The following CBLB variants were observed in gnomAD, a reference collection of about 807,000 sequenced individuals.
CBLB encodes Cbl proto-oncogene B, also known as E3 ubiquitin-protein ligase CBL-B.
CBLB carries 31 observed loss-of-function variants against 104.9 expected under a neutral mutation model. The ratio of observed to expected loss-of-function variants is 0.30; its 90% confidence interval spans 0.22 to 0.40. The LOEUF (loss-of-function observed/expected upper bound fraction) is 0.40, where lower values mean the gene tolerates loss of function less well. Ranked by LOEUF, CBLB falls within the 10% of genes least tolerant of loss-of-function variation. CBLB has a pLI of 1.00. For missense variants in CBLB, 1,062 were observed against 1,214.6 expected (o/e 0.87, Z 1.87); for synonymous variants, 440 against 422.6 (o/e 1.04, Z -0.51).
intron 3 of CBLB, among the ~76,000 whole-genome samples, chr3:105,776,905 T>C (rs2152965067): frequency 6.6e-6 from 1 of 152,154 alleles, no homozygotes; most frequent in East Asian, 1.9e-4. Context: ...TATTTCTACC[T>C]GGGGGAGTAA....
rs558691899 is a variant in CBLB, at chr3:105,670,428, T to C, written c.2570-76A>G. 2.7e-5 allele frequency: 33 copies of C among 1,203,902 alleles called. No homozygotes were observed. In the African/African-American group the frequency reaches 4.6e-4, roughly 17 times the overall value. 74.6% of individuals were successfully genotyped at this position (1,203,902 alleles called of 1,614,324 possible). A position where few individuals can be genotyped will look rare whatever the true frequency, so the allele number is the denominator to read the frequency against. ...GCTGAAGAAAAAAATTCTAGAATTA[T>C]TTTATGAAGATTATGGCTTTCAAAA... On this transcript the variant is annotated intron_variant, in intron 17 of 18. Transcript: ENST00000394030.
chr3:105,823,525 A>T (rs2153062685), intron 3 of CBLB, among the ~76,000 whole-genome samples: 1 of 152,352 alleles, frequency 6.6e-6, no homozygotes, highest in East Asian at 1.9e-4. Context: ...AGAAACACAT[A>T]GGAGATTCAT....
chr3:105,761,468 C>T (rs536005931), intron 4 of CBLB, among the ~76,000 whole-genome samples: 61 of 152,188 alleles, frequency 4.0e-4, no homozygotes, highest in Non-Finnish European at 6.5e-4. Context: ...GGGCAGTTTC[C>T]GACATTCTAT....
At chr3:105,663,312 GA>G (rs1362217577) in intron 18 of CBLB, among the ~76,000 whole-genome samples, 7 of 152,176 alleles carry the variant, frequency 4.6e-5, no homozygotes, top group Non-Finnish European at 7.3e-5. Context: ...AGGGTCTGAG[GA>G]AGAAGAAGTG....
chr3:105,788,137 A>C (rs891747833), intron 3 of CBLB, among the ~76,000 whole-genome samples: 6 of 152,178 alleles, frequency 3.9e-5, no homozygotes, highest in African/African-American at 1.4e-4. Flanking sequence ...AACAACTCAG[A>C]AATTTCCAAA....
chr3:105,707,964 G>C (rs566707273), intron 10 of CBLB, among the ~76,000 whole-genome samples: 1 of 151,350 alleles, frequency 6.6e-6, no homozygotes, highest in East Asian at 1.9e-4. Context: ...TTTTATTTTT[G>C]CATTTTAAAA....
rs2063325895 is a variant in CBLB, at chr3:105,656,116, C to A, written c.*2854G>T. 2 of 221,512 alleles carry A rather than the reference C, an allele frequency of 9.0e-6. No individual in the cohort carries two copies. Among genetic ancestry groups the A allele is most frequent in the Non-Finnish European group, 9.0e-6 (1 of 110,788 alleles). 13.7% of individuals were successfully genotyped at this position (221,512 alleles called of 1,614,324 possible). A position where few individuals can be genotyped will look rare whatever the true frequency, so the allele number is the denominator to read the frequency against. Reference sequence around the variant, plus strand: ...TCTAGAAAAATTTGGTGAGATATATCATACATTAGGGGATAAAACAGATTA... The same window carrying A: ...TCTAGAAAAATTTGGTGAGATATATAATACATTAGGGGATAAAACAGATTA... On this transcript the variant is annotated 3_prime_UTR_variant, in exon 19 of 19. Transcript: ENST00000394030.
chr3:105,760,691 C>T (rs1428867794), intron 4 of CBLB, among the ~76,000 whole-genome samples: 1 of 151,444 alleles, frequency 6.6e-6, no homozygotes, highest in Non-Finnish European at 1.5e-5. Context: ...AATTAACAAC[C>T]AATGAGTGAA....
At chr3:105,775,200 G>C (rs1203349007) in intron 4 of CBLB, among the ~76,000 whole-genome samples, 2 of 151,952 alleles carry the variant, frequency 1.3e-5, no homozygotes, top group African/African-American at 2.4e-5. Flanking sequence ...TTCTCCTTTA[G>C]TGCCTAAAAA....
At chr3:105,857,870 G>A (rs1191388968) in intron 2 of CBLB, among the ~76,000 whole-genome samples, 1 of 152,158 alleles carries the variant, frequency 6.6e-6, no homozygotes, top group Non-Finnish European at 1.5e-5. Flanking sequence ...TTAGTGCTAT[G>A]ATGGAGGCAA....
At chr3:105,770,617 C>G (rs953797463) in intron 4 of CBLB, among the ~76,000 whole-genome samples, 1 of 152,032 alleles carries the variant, frequency 6.6e-6, no homozygotes, top group African/African-American at 2.4e-5. Context: ...GGAGGAGTTG[C>G]GGCAAGTGGG....
At chr3:105,726,764 C>A (rs977107392) in intron 9 of CBLB, among the ~76,000 whole-genome samples, 4 of 152,102 alleles carry the variant, frequency 2.6e-5, no homozygotes, top group Non-Finnish European at 4.4e-5. Context: ...CATGTGTTCT[C>A]AATGTTCAAC....
chr3:105,690,398 A>C (rs1055684259), intron 13 of CBLB, among the ~76,000 whole-genome samples: 3 of 152,208 alleles, frequency 2.0e-5, no homozygotes, highest in Admixed American at 1.3e-4. Flanking sequence ...GTTTGCCATC[A>C]GTATCCTTTA....
At chr3:105,866,483 T>C (rs1330349036) in intron 2 of CBLB, among the ~76,000 whole-genome samples, 1 of 152,190 alleles carries the variant, frequency 6.6e-6, no homozygotes, top group African/African-American at 2.4e-5. Context: ...GCCCCAGATA[T>C]CTATGAAATA....
Position 105,682,855 on chromosome 3 carries a change from T to C in CBLB, c.2202-1037A>G, listed in dbSNP as rs1034237463. 3.3e-5 allele frequency among the ~76,000 whole-genome samples: 5 copies of C among 152,112 alleles called. No homozygotes were observed. The East Asian group carries it at 5.8e-4, about 18-fold the overall frequency. ...CATACTATGAACACAATGGTTAAAA[T>C]TGAGCCATGGGAAGATAGCAGCAGG... On this transcript the variant is annotated intron_variant, in intron 14 of 18. Coordinates refer to ENST00000394030, the MANE Select transcript of CBLB (RefSeq NM_170662.5).
intron 9 of CBLB, chr3:105,724,286 G>A (rs577315581): frequency 3.1e-4 from 49 of 156,770 alleles, no homozygotes; most frequent in Non-Finnish European, 6.2e-4. Flanking sequence ...GGTTTATTAT[G>A]ATGGACAAGG....
chr3:105,721,661 A>G (rs1576604925), intron 9 of CBLB, among the ~76,000 whole-genome samples: 1 of 152,148 alleles, frequency 6.6e-6, no homozygotes. Flanking sequence ...ACCACCATAC[A>G]TGTTCATGTC....
intron 2 of CBLB, among the ~76,000 whole-genome samples, chr3:105,859,662 CAAAAAAAAA>C (rs33981342): frequency 2.1e-5 from 2 of 94,206 alleles, no homozygotes; most frequent in African/African-American, 8.2e-5. Flanking sequence ...GACTCCGTGT[CAAAAAAAAA>C]AAAAAAAAAA....
At chr3:105,804,284 G>C (rs774553596) in intron 3 of CBLB, among the ~76,000 whole-genome samples, 4 of 152,120 alleles carry the variant, frequency 2.6e-5, no homozygotes, top group Non-Finnish European at 5.9e-5. Flanking sequence ...ACTTTGGGAG[G>C]CTGAGGCGGG....
Sources: allele counts gnomAD v4.1 joint callset (sites outside exome capture counted in the v4.1 genomes callset), GRCh38; gene constraint gnomAD v4.1.1; transcripts MANE v1.5; gene names NCBI Gene and HGNC (gene_info 2026-07-23, HGNC 2026-07-21).